Variants in KCNIP4 observed in about 807,000 individuals in gnomAD.
KCNIP4 encodes Kv channel-interacting protein 4.
In KCNIP4, 12 loss-of-function variants were observed where a neutral mutation model predicts 34.0. That is an observed-to-expected ratio of 0.35 (90% CI 0.23 to 0.57). KCNIP4 has a LOEUF of 0.57. KCNIP4 is among the 20% of genes least tolerant of loss of function. KCNIP4 has a pLI of 0.83. For missense variants in KCNIP4, 238 were observed against 311.7 expected (o/e 0.76, Z 1.78); for synonymous variants, 124 against 102.2 (o/e 1.21, Z -1.29).
At chr4:21,653,907 T>C (rs1020339148) in intron 1 of KCNIP4, among the ~76,000 whole-genome samples, 5 of 152,308 alleles carry the variant, frequency 3.3e-5, no homozygotes, top group African/African-American at 1.2e-4. Flanking sequence ...ACTTATTAAC[T>C]TAGATGACAT....
At chr4:21,275,092 G>C (rs1295431956) in intron 1 of KCNIP4, among the ~76,000 whole-genome samples, 1 of 152,138 alleles carries the variant, frequency 6.6e-6, no homozygotes, top group Non-Finnish European at 1.5e-5. Context: ...CATTTGATAG[G>C]AACCATCATT....
chr4:21,044,811 C>T (rs1325161271), intron 1 of KCNIP4, among the ~76,000 whole-genome samples: 1 of 152,184 alleles, frequency 6.6e-6, no homozygotes, highest in Non-Finnish European at 1.5e-5. Context: ...ATTTCCATGT[C>T]CAGGGGAATC....
chr4:20,754,320 A>G (rs1754135811), intron 4 of KCNIP4, among the ~76,000 whole-genome samples: 1 of 152,202 alleles, frequency 6.6e-6, no homozygotes, highest in African/African-American at 2.4e-5. Context: ...TCTGTAGATA[A>G]GACAAAGCAC....
At chr4:21,536,178 CCAGGCCAA>C (rs1737149823) in intron 1 of KCNIP4, among the ~76,000 whole-genome samples, 1 of 152,086 alleles carries the variant, frequency 6.6e-6, no homozygotes, top group African/African-American at 2.4e-5. Flanking sequence ...CAAGAGAAAA[CCAGGCCAA>C]CAGAGCATAA....
chr4:21,845,623 C>T (rs1232994782), intron 1 of KCNIP4: 2 of 152,020 alleles, frequency 1.3e-5, no homozygotes, highest in Non-Finnish European at 1.5e-5. Context: ...CTTGACACTT[C>T]TTAGTAATAA....
intron 1 of KCNIP4, among the ~76,000 whole-genome samples, chr4:21,219,280 C>T (rs1315597463): frequency 6.6e-6 from 1 of 152,112 alleles, no homozygotes; most frequent in East Asian, 1.9e-4. Flanking sequence ...ATAAACCCTT[C>T]CTGCAAGGTG....
intron 2 of KCNIP4, among the ~76,000 whole-genome samples, chr4:20,854,413 T>G (rs537951920): frequency 2.6e-5 from 4 of 152,332 alleles, no homozygotes; most frequent in African/African-American, 7.2e-5. Context: ...CCTCGTGTGT[T>G]CTCACTGATT....
At chr4:21,218,674 T>C (rs999777653) in intron 1 of KCNIP4, among the ~76,000 whole-genome samples, 4 of 152,158 alleles carry the variant, frequency 2.6e-5, no homozygotes, top group Non-Finnish European at 5.9e-5. Context: ...ATTTCTCATA[T>C]ACGTACAAAG....
chr4:21,041,471 A>T (rs1392698464), intron 1 of KCNIP4, among the ~76,000 whole-genome samples: 1 of 152,200 alleles, frequency 6.6e-6, no homozygotes, highest in Non-Finnish European at 1.5e-5. Context: ...CACGTAAAAC[A>T]ATTCCAAATT....
chr4:21,773,742 G>GTTTGTTTTTTTGTT (rs1553930230), intron 1 of KCNIP4, among the ~76,000 whole-genome samples: 2 of 34,430 alleles, frequency 5.8e-5, no homozygotes, highest in African/African-American at 7.1e-5. Context: ...GTTTTTTTTT[G>GTTTGTTTTTTTGTT]TTGTTTTTTT....
chr4:21,362,025 A>G (rs1341631313), intron 1 of KCNIP4, among the ~76,000 whole-genome samples: 1 of 152,168 alleles, frequency 6.6e-6, no homozygotes, highest in Admixed American at 6.6e-5. Flanking sequence ...TGCAAATTAG[A>G]TACCTGCTGG....
At chr4:21,940,350 T>C (rs1730134845) in intron 1 of KCNIP4, among the ~76,000 whole-genome samples, 1 of 152,190 alleles carries the variant, frequency 6.6e-6, no homozygotes, top group South Asian at 2.1e-4. Context: ...GTGCTTCCAC[T>C]TGGACAGGAA....
intron 1 of KCNIP4, among the ~76,000 whole-genome samples, chr4:21,126,969 A>T (rs140935881): frequency 1.8e-3 from 275 of 152,330 alleles, no homozygotes; most frequent in Middle Eastern, 3.4e-3. Flanking sequence ...CATGAATAGC[A>T]AGTCCTAAAT....
At chr4:21,552,860 CA>C in intron 1 of KCNIP4, among the ~76,000 whole-genome samples, 1 of 152,020 alleles carries the variant, frequency 6.6e-6, no homozygotes, top group Non-Finnish European at 1.5e-5. Context: ...GAAAGCAAAA[CA>C]GAAAAGTAAA....
At chr4:21,803,737 C>A (rs1033514489) in intron 1 of KCNIP4, among the ~76,000 whole-genome samples, 2 of 152,156 alleles carry the variant, frequency 1.3e-5, no homozygotes, top group African/African-American at 4.8e-5. Context: ...AGCTTCCAGA[C>A]CCCTGTTATA....
At chr4:21,183,260 A>G (rs866431987) in intron 1 of KCNIP4, among the ~76,000 whole-genome samples, 1 of 152,104 alleles carries the variant, frequency 6.6e-6, no homozygotes, top group Admixed American at 6.6e-5. Flanking sequence ...TCATCTGTCA[A>G]TTGACTCCGT....
At chr4:21,945,094 G>A (rs192956284) in intron 1 of KCNIP4, among the ~76,000 whole-genome samples, 40 of 152,246 alleles carry the variant, frequency 2.6e-4, no homozygotes, top group African/African-American at 8.7e-4. Flanking sequence ...TTATTCACAT[G>A]TTCTGGAAAA....
At chr4:21,184,669 T>A (rs895823679) in intron 1 of KCNIP4, among the ~76,000 whole-genome samples, 12 of 152,200 alleles carry the variant, frequency 7.9e-5, no homozygotes, top group Non-Finnish European at 1.8e-4. Flanking sequence ...GTATGGCTAG[T>A]CAGCTGTCTT....
At chr4:21,127,356 CT>C (rs1050459700) in intron 1 of KCNIP4, among the ~76,000 whole-genome samples, 1 of 152,220 alleles carries the variant, frequency 6.6e-6, no homozygotes, top group African/African-American at 2.4e-5. Context: ...TTAATTCCTT[CT>C]TTTGGGGTTT....
Sources: allele counts gnomAD v4.1 joint callset (sites outside exome capture counted in the v4.1 genomes callset), GRCh38; gene constraint gnomAD v4.1.1; transcripts MANE v1.5; gene names NCBI Gene and HGNC (gene_info 2026-07-23, HGNC 2026-07-21).